Variants in AP4S1 observed in about 807,000 individuals in gnomAD.
AP4S1 encodes adaptor related protein complex 4 subunit sigma 1, also known as AP-4 complex subunit sigma-1.
AP4S1 carries 23 observed loss-of-function variants against 19.8 expected under a neutral mutation model. The observed-to-expected ratio is 1.16, with a 90% CI of 0.84 to 1.65. The LOEUF (loss-of-function observed/expected upper bound fraction) is 1.65, where lower values mean the gene tolerates loss of function less well. Among genes scored for constraint, AP4S1 ranks in the 40% most tolerant of loss-of-function variants. AP4S1 has a pLI of 0.00. For missense variants in AP4S1, 166 were observed against 172.8 expected, an observed-to-expected ratio of 0.96 and a Z score of 0.22; for synonymous variants, 46 against 54.1, an observed-to-expected ratio of 0.85 and a Z score of 0.66.
chr14:31,069,821 T>TA, intron 2 of AP4S1, 22 bp from the exon 3 acceptor site: 2 of 1,560,028 alleles, frequency 1.3e-6, no homozygotes, highest in Non-Finnish European at 8.8e-7. Flanking sequence ...CAGGAATTAA[T>TA]ATCTCATTGT....
chr14:31,026,341 G>T (rs557861880), intron 1 of AP4S1: 5 of 703,752 alleles, frequency 7.1e-6, no homozygotes, highest in Admixed American at 4.4e-5. Context: ...TCAGAGCAGG[G>T]AGCTGCCGGC....
At chr14:31,054,985 A>G (rs1213579177) in intron 1 of AP4S1, among the ~76,000 whole-genome samples, 2 of 151,260 alleles carry the variant, frequency 1.3e-5, no homozygotes, top group African/African-American at 2.4e-5. Context: ...CCAAAAAGAC[A>G]TAACCTCTGT....
At chr14:31,026,470 A>G (rs935956017) in intron 1 of AP4S1, 11 of 384,852 alleles carry the variant, frequency 2.9e-5, no homozygotes, top group African/African-American at 4.2e-5. Flanking sequence ...GAGGGCCGTC[A>G]CTAGCGCACA....
At chr14:31,055,764 T>C (rs1334620651) in intron 1 of AP4S1, among the ~76,000 whole-genome samples, 1 of 152,198 alleles carries the variant, frequency 6.6e-6, no homozygotes, top group Admixed American at 6.6e-5. Context: ...GATTCTGGGG[T>C]ACATAAAAAG....
At chr14:31,081,701 A>G (rs1887644609) in intron 5 of AP4S1, among the ~76,000 whole-genome samples, 1 of 151,508 alleles carries the variant, frequency 6.6e-6, no homozygotes, top group Non-Finnish European at 1.5e-5. Context: ...GAATTATAAC[A>G]ATGTTTATGT....
chr14:31,087,734 C>G (rs1887958836), intron 5 of AP4S1, among the ~76,000 whole-genome samples: 1 of 152,104 alleles, frequency 6.6e-6, no homozygotes, highest in African/African-American at 2.4e-5. Context: ...ATGCCTGTCA[C>G]CATGGTGCCT....
chr14:31,075,270 A>G (rs964719466), intron 4 of AP4S1, among the ~76,000 whole-genome samples: 6 of 152,222 alleles, frequency 3.9e-5, no homozygotes, highest in African/African-American at 1.4e-4. Flanking sequence ...ATGAATGAGA[A>G]CATGTGATAT....
intron 1 of AP4S1, among the ~76,000 whole-genome samples, chr14:31,045,896 A>G (rs2139469606): frequency 6.6e-6 from 1 of 151,782 alleles, no homozygotes; most frequent in South Asian, 2.1e-4. Context: ...CCAAGTGATG[A>G]GAGGATCAGA....
chr14:31,090,389 G>C (rs1888045637), intron 5 of AP4S1, among the ~76,000 whole-genome samples: 2 of 152,208 alleles, frequency 1.3e-5, no homozygotes, highest in Admixed American at 1.3e-4. Context: ...AATTCAGAAA[G>C]GCTCTTAGGT....
chr14:31,047,667 C>T (rs921780038), intron 1 of AP4S1, among the ~76,000 whole-genome samples: 19 of 151,932 alleles, frequency 1.3e-4, no homozygotes, highest in Admixed American at 3.3e-4. Context: ...AGCGCTGGGA[C>T]TACAGGCGTG....
intron 5 of AP4S1, chr14:31,085,905 C>A: frequency 1.1e-6 from 1 of 900,956 alleles, no homozygotes; most frequent in Non-Finnish European, 1.3e-6. Context: ...GATTCATGTC[C>A]CTTCTATTGC....
At chr14:31,045,989 G>A (rs1885379361) in intron 1 of AP4S1, among the ~76,000 whole-genome samples, 1 of 147,912 alleles carries the variant, frequency 6.8e-6, no homozygotes. Context: ...TTTTTGAGAC[G>A]GAGTTTCACT....
chr14:31,035,879 C>T (rs1466636170), intron 1 of AP4S1, among the ~76,000 whole-genome samples: 3 of 151,808 alleles, frequency 2.0e-5, no homozygotes, highest in Non-Finnish European at 4.4e-5. Flanking sequence ...TACAGGTGCC[C>T]GCCACAAGGC....
chr14:31,026,164 C>A (rs1883904501), intron 1 of AP4S1: 1 of 1,486,406 alleles, frequency 6.7e-7, no homozygotes, highest in Non-Finnish European at 8.9e-7. Context: ...CCGCCACCAC[C>A]GCCTCCGGCA....
chr14:31,042,960 C>T (rs978055596), intron 1 of AP4S1, among the ~76,000 whole-genome samples: 1 of 152,060 alleles, frequency 6.6e-6, no homozygotes, highest in Non-Finnish European at 1.5e-5. Context: ...ATGCCTGTAA[C>T]CTGTAATCCC....
At chr14:31,088,201 T>A (rs1003639206) in intron 5 of AP4S1, among the ~76,000 whole-genome samples, 1 of 152,196 alleles carries the variant, frequency 6.6e-6, no homozygotes, top group Non-Finnish European at 1.5e-5. Context: ...TTGACCACTT[T>A]CCTGTTTCCT....
At chr14:31,029,375 C>T (rs990652409) in intron 1 of AP4S1, among the ~76,000 whole-genome samples, 2 of 152,190 alleles carry the variant, frequency 1.3e-5, no homozygotes, top group African/African-American at 4.8e-5. Flanking sequence ...TGATCTAGAT[C>T]CATCCTACAG....
At chr14:31,042,276 G>A (rs549566245) in intron 1 of AP4S1, among the ~76,000 whole-genome samples, 7 of 152,264 alleles carry the variant, frequency 4.6e-5, no homozygotes, top group South Asian at 2.1e-4. Context: ...GTCTGCTTGC[G>A]ACTAGCTTTT....
intron 1 of AP4S1, among the ~76,000 whole-genome samples, chr14:31,031,922 C>T (rs867693412): frequency 3.9e-5 from 6 of 152,080 alleles, no homozygotes; most frequent in Non-Finnish European, 7.3e-5. Flanking sequence ...CATGGGGAGA[C>T]CCTGTCTCTA....
Sources: gnomAD v4.1 joint callset for allele counts (sites outside exome capture counted in the v4.1 genomes callset) on GRCh38, gnomAD v4.1.1 for gene constraint, MANE v1.5 for transcripts, NCBI Gene and HGNC (gene_info 2026-07-23, HGNC 2026-07-21) for gene names.